Variants in CACNB2 observed in about 807,000 individuals in gnomAD.
CACNB2 encodes the protein calcium voltage-gated channel auxiliary subunit beta 2, also known as voltage-dependent L-type calcium channel subunit beta-2.
CACNB2 carries 42 observed loss-of-function variants against 73.3 expected under a neutral mutation model. That is an observed-to-expected ratio of 0.57 (90% CI 0.45 to 0.74). CACNB2 has a LOEUF of 0.74. Ranked by LOEUF, CACNB2 falls within the 30% of genes least tolerant of loss-of-function variation. The pLI is 0.00. For missense variants in CACNB2, 940 were observed against 853.0 expected, an observed-to-expected ratio of 1.10 and a Z score of -1.27; for synonymous variants, 348 against 310.3, an observed-to-expected ratio of 1.12 and a Z score of -1.28.
chr10:18,530,153 G>A (rs2052855463), intron 10 of CACNB2, among the ~76,000 whole-genome samples: 1 of 152,082 alleles, frequency 6.6e-6, no homozygotes, highest in Admixed American at 6.5e-5. Context: ...GGGAATTATG[G>A]GAGCTACAAT....
intron 3 of CACNB2, among the ~76,000 whole-genome samples, chr10:18,452,216 T>C (rs1327119576): frequency 6.6e-6 from 1 of 152,126 alleles, no homozygotes; most frequent in South Asian, 2.1e-4. Context: ...TGATGACAGA[T>C]GCTCGAGACC....
At chr10:18,172,032 G>A (rs894807229) in intron 2 of CACNB2, among the ~76,000 whole-genome samples, 4 of 152,066 alleles carry the variant, frequency 2.6e-5, no homozygotes, top group East Asian at 1.9e-4. Context: ...GTCTAGGACC[G>A]TGCGGGATTA....
chr10:18,489,390 CAAAAAAAAAAAA>C (rs66974116), intron 3 of CACNB2, among the ~76,000 whole-genome samples: 1 of 59,802 alleles, frequency 1.7e-5, no homozygotes, highest in Non-Finnish European at 2.9e-5. Context: ...AACTCCATCT[CAAAAAAAAAAAA>C]AAAAAAAAAA....
intron 2 of CACNB2, among the ~76,000 whole-genome samples, chr10:18,330,405 C>T (rs2040753756): frequency 6.6e-6 from 1 of 152,074 alleles, no homozygotes; most frequent in Non-Finnish European, 1.5e-5. Flanking sequence ...AATTCCAGCA[C>T]TTTGGGAGGC....
At chr10:18,499,583 C>T (rs1166758337) in intron 4 of CACNB2, among the ~76,000 whole-genome samples, 2 of 110,642 alleles carry the variant, frequency 1.8e-5, no homozygotes, top group Admixed American at 9.2e-5. Flanking sequence ...CCACTGCACC[C>T]GAGCCTGGCG....
intron 2 of CACNB2, among the ~76,000 whole-genome samples, chr10:18,305,994 G>T (rs1312393103): frequency 6.6e-6 from 1 of 152,096 alleles, no homozygotes; most frequent in Admixed American, 6.5e-5. Flanking sequence ...AAAGTGATAA[G>T]TTGTCAAGGA....
chr10:18,385,201 T>C (rs1418131029), intron 2 of CACNB2, among the ~76,000 whole-genome samples: 3 of 151,772 alleles, frequency 2.0e-5, no homozygotes, highest in African/African-American at 7.3e-5. Flanking sequence ...GAGAATCATT[T>C]GAACCCGGGA....
chr10:18,534,479 T>C (rs2053366109), intron 11 of CACNB2, among the ~76,000 whole-genome samples: 1 of 152,148 alleles, frequency 6.6e-6, no homozygotes, highest in African/African-American at 2.4e-5. Context: ...ACTACTTCCA[T>C]GATAATACTA....
chr10:18,458,442 T>G (rs951095872), intron 3 of CACNB2, among the ~76,000 whole-genome samples: 2 of 152,250 alleles, frequency 1.3e-5, no homozygotes, highest in Admixed American at 6.5e-5. Context: ...CTGTTTCATT[T>G]ACTGTATGCT....
At chr10:18,387,881 C>T (rs183475623) in intron 2 of CACNB2, among the ~76,000 whole-genome samples, 13 of 152,180 alleles carry the variant, frequency 8.5e-5, no homozygotes, top group Non-Finnish European at 1.6e-4. Context: ...CTCAGCCTCC[C>T]AAGTAGCTGG....
chr10:18,393,069 C>T (rs2043553484), intron 2 of CACNB2, among the ~76,000 whole-genome samples: 1 of 151,994 alleles, frequency 6.6e-6, no homozygotes, highest in African/African-American at 2.4e-5. Context: ...ATTAGCTGGG[C>T]ATGGTGGTGG....
intron 3 of CACNB2, among the ~76,000 whole-genome samples, chr10:18,455,902 C>T (rs1223708145): frequency 6.6e-6 from 1 of 152,184 alleles, no homozygotes; most frequent in Non-Finnish European, 1.5e-5. Context: ...CATGGCCTAG[C>T]TTGATGGTCC....
intron 2 of CACNB2, among the ~76,000 whole-genome samples, chr10:18,304,016 C>G (rs140667749): frequency 6.7e-4 from 102 of 152,290 alleles, no homozygotes; most frequent in African/African-American, 2.3e-3. Flanking sequence ...AGTGCAGTAG[C>G]ACAGTCACAG....
intron 2 of CACNB2, among the ~76,000 whole-genome samples, chr10:18,284,084 T>C (rs986287010): frequency 6.6e-6 from 1 of 151,728 alleles, no homozygotes; most frequent in East Asian, 1.9e-4. Context: ...AATAAAAAAA[T>C]AATAAATAAT....
intron 2 of CACNB2, among the ~76,000 whole-genome samples, chr10:18,306,776 A>G (rs1295899904): frequency 1.3e-5 from 2 of 152,198 alleles, no homozygotes. Context: ...TCAGCCAGGG[A>G]GAAAAGCAGG....
intron 12 of CACNB2, among the ~76,000 whole-genome samples, chr10:18,537,590 A>AACATGG (rs2053727707): frequency 6.6e-6 from 1 of 151,994 alleles, no homozygotes; most frequent in South Asian, 2.1e-4. Context: ...CAGCCTGGCC[A>AACATGG]ACATGGCAAA....
intron 2 of CACNB2, among the ~76,000 whole-genome samples, chr10:18,245,999 A>T (rs1381361368): frequency 1.3e-5 from 2 of 152,184 alleles, no homozygotes; most frequent in Non-Finnish European, 2.9e-5. Context: ...GTCAGAAAGG[A>T]TTCTGTTGGC....
intron 10 of CACNB2, among the ~76,000 whole-genome samples, chr10:18,529,142 A>C (rs10764578): frequency 0.51 from 77,350 of 152,082 alleles, 20,102 homozygotes; most frequent in East Asian, 0.71. Context: ...AATTATTATA[A>C]AATGCTTATT....
chr10:18,255,829 T>G (rs2037263237), intron 2 of CACNB2, among the ~76,000 whole-genome samples: 1 of 152,192 alleles, frequency 6.6e-6, no homozygotes, highest in South Asian at 2.1e-4. Context: ...CAGAAGCACT[T>G]AAGCAGAGTC....
Sources: gnomAD v4.1 joint callset for allele counts (sites outside exome capture counted in the v4.1 genomes callset) on GRCh38, gnomAD v4.1.1 for gene constraint, MANE v1.5 for transcripts, NCBI Gene and HGNC (gene_info 2026-07-23, HGNC 2026-07-21) for gene names.